The following ATL2 variants were observed in gnomAD, a reference collection of about 807,000 sequenced individuals.
The protein encoded by ATL2 is atlastin-2.
A neutral mutation model predicts 73.9 loss-of-function variants in ATL2; 31 were observed. The ratio of observed to expected loss-of-function variants is 0.42; its 90% CI spans 0.32 to 0.57. The LOEUF is 0.57. Among genes scored for constraint, ATL2 ranks in the 20% least tolerant of loss-of-function variants. ATL2 has a pLI of 0.14. For synonymous variants in ATL2, 291 were observed against 237.5 expected (o/e 1.23, Z -2.07); for missense variants, 738 against 702.6 (o/e 1.05, Z -0.57).
At chr2:38,307,982 G>A (rs546155663) in intron 9 of ATL2, among the ~76,000 whole-genome samples, 2 of 152,146 alleles carry the variant, frequency 1.3e-5, no homozygotes, top group African/African-American at 4.8e-5. Context: ...GTAGAGAAAA[G>A]GGAATCTTCG....
intron 6 of ATL2, among the ~76,000 whole-genome samples, 168 bp downstream of exon 6, chr2:38,314,440 T>C (rs554315294): frequency 2.0e-5 from 1 of 49,374 alleles, no homozygotes. Context: ...CCTGTTCGCC[T>C]ACTGATAAGT....
chr2:38,311,847 A>G (rs1667773796), intron 7 of ATL2, among the ~76,000 whole-genome samples: 1 of 152,252 alleles, frequency 6.6e-6, no homozygotes. Flanking sequence ...TCTTTGAGTT[A>G]CATAATTCTG....
chr2:38,313,057 C>G lies in ATL2; in HGVS notation c.804+94G>C, dbSNP rs537578924. 5.5e-5 allele frequency: 44 copies of G among 806,022 alleles called. No homozygotes were observed. In the Admixed American group the frequency reaches 7.1e-4, roughly 13 times the overall value. 49.9% of individuals were successfully genotyped at this position (806,022 alleles called of 1,614,324 possible). Reference sequence around the variant, plus strand: ...CCTGGAATACTTTATTCCAACGACACGTAAATACTGGTAATGTGACCAGCA... The same window carrying G: ...CCTGGAATACTTTATTCCAACGACAGGTAAATACTGGTAATGTGACCAGCA... On this transcript the variant is annotated intron_variant, in intron 7 of 12. Coordinates refer to ENST00000378954, the MANE Select transcript of ATL2 (RefSeq NM_001135673.4).
At chr2:38,311,096 A>G (rs2148422246) in intron 7 of ATL2, among the ~76,000 whole-genome samples, 1 of 151,914 alleles carries the variant, frequency 6.6e-6, no homozygotes, top group South Asian at 2.1e-4. Flanking sequence ...TAAAGTACTT[A>G]CAACAGCAAC....
At chr2:38,319,953 C>A (rs529065592) in intron 2 of ATL2, among the ~76,000 whole-genome samples, 2 of 152,024 alleles carry the variant, frequency 1.3e-5, no homozygotes, top group African/African-American at 4.8e-5. Flanking sequence ...ACTAAAAATA[C>A]AAAAATTAGC....
chr2:38,310,593 T>C (rs1048942816), intron 7 of ATL2, 146 bp from the exon 8 acceptor site: 2 of 539,558 alleles, frequency 3.7e-6, no homozygotes, highest in Non-Finnish European at 5.9e-6. Context: ...CAAAAAATTA[T>C]GAAGGCCCAT....
chr2:38,328,232 T>A (rs1015532056), intron 2 of ATL2, among the ~76,000 whole-genome samples: 2 of 152,218 alleles, frequency 1.3e-5, no homozygotes, highest in African/African-American at 4.8e-5. Flanking sequence ...TCCACTATTA[T>A]ACTGGGAGAC....
At chr2:38,348,222 T>C (rs1262583578) in intron 1 of ATL2, among the ~76,000 whole-genome samples, 1 of 151,864 alleles carries the variant, frequency 6.6e-6, no homozygotes, top group African/African-American at 2.4e-5. Context: ...ATCCCAACAA[T>C]TTGGGAGGCT....
At chr2:38,327,296 A>T (rs912987869) in intron 2 of ATL2, among the ~76,000 whole-genome samples, 5 of 152,092 alleles carry the variant, frequency 3.3e-5, no homozygotes, top group Admixed American at 3.3e-4. Context: ...GAAACAAATG[A>T]CAGCAATGTA....
chr2:38,321,430 G>C (rs756743807), intron 2 of ATL2, among the ~76,000 whole-genome samples: 8 of 152,092 alleles, frequency 5.3e-5, no homozygotes, highest in Non-Finnish European at 8.8e-5. Context: ...TATATATGAT[G>C]GACTTGTGTT....
intron 1 of ATL2, among the ~76,000 whole-genome samples, chr2:38,369,013 A>T (rs1480586537): frequency 6.6e-6 from 1 of 152,208 alleles, no homozygotes; most frequent in East Asian, 1.9e-4. Context: ...TTAAACTGTA[A>T]TATGCCCATT....
In ATL2 at chr2:38,294,371, AC is replaced by A. The variant is rs1441291376; in HGVS notation, c.*1622del. 6.6e-6 allele frequency among the ~76,000 whole-genome samples: 1 copy of A among 152,174 alleles called. No homozygotes were observed. The highest frequency in any genetic ancestry group is 1.5e-5 in the Non-Finnish European group (1 of 68,026). ...AGACCATCCTGGCTAAAACGGTGAA[AC>A]CCCATCTCTACTTAAAATAGAAAAC... On this transcript the variant is annotated 3_prime_UTR_variant, in exon 13 of 13. Transcript: ENST00000378954.
intron 2 of ATL2, among the ~76,000 whole-genome samples, chr2:38,339,483 GTATACAGGCTCTCTTTGT>G: frequency 6.6e-6 from 1 of 152,062 alleles, no homozygotes; most frequent in South Asian, 2.1e-4. Flanking sequence ...AAGGATTCAG[GTATACAGGCTCTCTTTGT>G]TATATTCCAA....
intron 2 of ATL2, among the ~76,000 whole-genome samples, chr2:38,328,015 AAGAC>A (rs1323158888): frequency 3.9e-5 from 6 of 152,240 alleles, no homozygotes; most frequent in Non-Finnish European, 8.8e-5. Context: ...CCACTTTACA[AAGAC>A]AGACACAGGT....
Position 38,295,046 on chromosome 2 carries a change from T to TATATCAAA in ATL2, c.*940_*947dup, listed in dbSNP as rs1666821394. On this transcript the variant is annotated 3_prime_UTR_variant, in exon 13 of 13. Coordinates refer to ENST00000378954, the MANE Select transcript of ATL2 (RefSeq NM_001135673.4). ...CAGTGCTCAAGATAAATATCACAAA[T>TATATCAAA]ATATCAAAAACTTCAAATTGTCTAT... The TATATCAAA allele has an allele frequency of 6.8e-6, 1 of 147,278 alleles. No individual in the cohort carries two copies. Among genetic ancestry groups the TATATCAAA allele is most frequent in the Non-Finnish European group, 1.5e-5 (1 of 67,262 alleles). 9.1% of individuals were successfully genotyped at this position (147,278 alleles called of 1,614,324 possible).
intron 2 of ATL2, among the ~76,000 whole-genome samples, chr2:38,323,716 C>G (rs1347526929): frequency 6.6e-6 from 1 of 152,002 alleles, no homozygotes; most frequent in Non-Finnish European, 1.5e-5. Context: ...AGAAAGAAAA[C>G]GAGACAGACA....
intron 2 of ATL2, among the ~76,000 whole-genome samples, chr2:38,319,814 T>C (rs1475980151): frequency 1.3e-5 from 2 of 151,956 alleles, no homozygotes; most frequent in Non-Finnish European, 2.9e-5. Flanking sequence ...CTTTAAAAAA[T>C]AATCAATTTT....
At chr2:38,298,679 TTGAG>T (rs1667034115) in intron 11 of ATL2, 104 bp from the exon 12 acceptor site, 2 of 1,207,710 alleles carry the variant, frequency 1.7e-6, no homozygotes, top group South Asian at 1.5e-5. Flanking sequence ...ACTTACATGA[TTGAG>T]TCAGTTTTAA....
chr2:38,297,563 G>C (rs1387458592), intron 12 of ATL2, among the ~76,000 whole-genome samples: 1 of 152,192 alleles, frequency 6.6e-6, no homozygotes, highest in Non-Finnish European at 1.5e-5. Flanking sequence ...GATTACGACG[G>C]AGCATGGTTC....
Sources: allele counts gnomAD v4.1 joint callset (sites outside exome capture counted in the v4.1 genomes callset), GRCh38; gene constraint gnomAD v4.1.1; transcripts MANE v1.5; gene names NCBI Gene and HGNC (gene_info 2026-07-23, HGNC 2026-07-21).